AKR1B10: variants seen among roughly 807,000 people sequenced by gnomAD.
AKR1B10 encodes aldo-keto reductase family 1 member B10.
Under a neutral mutation model 38.9 loss-of-function variants are expected in AKR1B10, and 39 were observed. That is an observed-to-expected ratio of 1.00 (90% CI 0.78 to 1.31). The LOEUF is 1.31. Ranked by LOEUF, AKR1B10 falls within the 50% of genes most tolerant of loss-of-function variation. The pLI is 0.00. For synonymous variants in AKR1B10, 148 were observed against 141.2 expected (o/e 1.05, Z -0.34); for missense variants, 361 against 382.6 (o/e 0.94, Z 0.47).
At position 134,538,188 on chromosome 7, in the gene AKR1B10, G is replaced by C. The variant is rs187796884; in HGVS notation, c.742-6G>C. 1 of 1,613,608 alleles carries C rather than the reference G, an allele frequency of 6.2e-7. No individual in the cohort carries two copies. Among genetic ancestry groups the C allele is most frequent in the Non-Finnish European group, 8.5e-7 (1 of 1,179,570 alleles). On this transcript the variant is annotated splice_region_variant and splice_polypyrimidine_tract_variant and intron_variant, in intron 7 of 9. Transcript: ENST00000359579. Reference sequence around the variant, plus strand: ...AGTGGAAGCCTGATGTCCCCTTTCCGCATAGGTTCTGATCCGTTTCCATAT... The same window carrying C: ...AGTGGAAGCCTGATGTCCCCTTTCCCCATAGGTTCTGATCCGTTTCCATAT...
At chr7:134,528,725 G>C (rs997583418) in intron 1 of AKR1B10, among the ~76,000 whole-genome samples, 4 of 145,428 alleles carry the variant, frequency 2.8e-5, no homozygotes, top group Non-Finnish European at 4.4e-5. Flanking sequence ...ATCCAAGAAA[G>C]CAAGAAAGAG....
rs541854624 is a variant in AKR1B10 at position 134,536,855 on chromosome 7, T to C, written c.552+83T>C. 6.5e-5 allele frequency: 103 copies of C among 1,592,070 alleles called. 1 individual carries two copies. The South Asian group carries it at 1.1e-3, about 16-fold the overall frequency. ...GGGAGGAATGTTCAATGCTATGCCC[T>C]GAGTCTCATCTCAGGGGTCAGTGAT... On this transcript the variant is annotated intron_variant, in intron 5 of 9. Transcript: ENST00000359579.
rs936196727 is a variant in AKR1B10, at chr7:134,532,868, A to G, written c.352-136A>G. 1.0e-4 allele frequency: 69 copies of G among 677,802 alleles called. No individual in the cohort carries two copies. The East Asian group carries it at 1.4e-3, about 14-fold the overall frequency. 42.0% of individuals were successfully genotyped at this position (677,802 alleles called of 1,614,324 possible). A position where few individuals can be genotyped will look rare whatever the true frequency, so the allele number is the denominator to read the frequency against. On this transcript the variant is annotated intron_variant, in intron 3 of 9. Transcript: ENST00000359579. The stretch of plus-strand genomic sequence containing the variant: ...AGATTTTAATTAAACTCACATTCCT[A>G]AAGTATGTACTCCAGAACTTGAAAA...
At position 134,537,640 on chromosome 7, in the gene AKR1B10, G is replaced by C. The variant is rs549613668; in HGVS notation, c.720G>C (p.Lys240Asn). The C allele has an allele frequency of 2.0e-5, 32 of 1,614,098 alleles. No individual in the cohort carries two copies. The highest frequency in any genetic ancestry group is 2.6e-5 in the Non-Finnish European group (31 of 1,179,960). Residue 240 changes from lysine (K) to asparagine (N), a missense_variant, in exon 7 of 10, where the codon AAG (lysine) becomes AAC (asparagine). Lys to Asn is a moderately conservative substitution (Grantham distance 94). Coordinates refer to ENST00000359579, the MANE Select transcript of AKR1B10 (RefSeq NM_020299.5). The stretch of plus-strand genomic sequence containing the variant: ...CCAAGATTAAGGAGATTGCTGCAAA[G>C]CACAAAAAAACCGCAGCCCAGGTGC... ...EDPKIKEIAA[K>N]HKKTAAQVLI...
At chr7:134,535,208 C>A (rs1317406062) in intron 4 of AKR1B10, among the ~76,000 whole-genome samples, 1 of 152,090 alleles carries the variant, frequency 6.6e-6, no homozygotes, top group African/African-American at 2.4e-5. Context: ...CAACACCTGG[C>A]CTCAAGCAAT....
intron 2 of AKR1B10, among the ~76,000 whole-genome samples, chr7:134,531,549 A>C (rs373451929): frequency 1.3e-5 from 2 of 152,320 alleles, no homozygotes; most frequent in South Asian, 2.1e-4. Flanking sequence ...CAAAGGCCTA[A>C]GAATGCTTGA....
intron 4 of AKR1B10, 47 bp downstream of exon 4, chr7:134,533,128 T>G (rs754195179): frequency 3.4e-6 from 5 of 1,480,142 alleles, no homozygotes; most frequent in Non-Finnish European, 4.6e-6. Flanking sequence ...AAATCTTCAG[T>G]TATCCATGAG....
chr7:134,527,681 A>G lies in AKR1B10; in HGVS notation c.-231A>G, dbSNP rs370912297. On this transcript the variant is annotated 5_prime_UTR_variant, in exon 1 of 10. Transcript: ENST00000359579. Reference sequence around the variant, plus strand: ...AGGAGTTTGAGACCAGCCTGTCTCTACTAACAATATAAAAATTAGCTGGGA... The same window carrying G: ...AGGAGTTTGAGACCAGCCTGTCTCTGCTAACAATATAAAAATTAGCTGGGA... 1.2e-4 allele frequency: 45 copies of G among 371,966 alleles called. 1 individual carries two copies. Among genetic ancestry groups the G allele is most frequent in the East Asian group, 7.0e-4 (14 of 19,966 alleles). The allele number at this position is 371,966 out of a possible 1,614,324, so 23.0% of individuals were successfully genotyped here. A position where few individuals can be genotyped will look rare whatever the true frequency, so the allele number is the denominator to read the frequency against.
At position 134,530,535 on chromosome 7, in the gene AKR1B10, TG is replaced by T. The variant is rs1807820425; in HGVS notation, c.67-105del. On this transcript the variant is annotated intron_variant, in intron 1 of 9. Coordinates refer to ENST00000359579, the MANE Select transcript of AKR1B10 (RefSeq NM_020299.5). The stretch of plus-strand genomic sequence containing the variant: ...GGTGTAATTCCAGCTACTCGGGAGG[TG>T]GGAGGGTTGCTTGAACCTGGGAGTG... The T allele has an allele frequency of 1.6e-5, 19 of 1,184,104 alleles. No homozygotes were observed. In the South Asian group the frequency reaches 2.5e-4, roughly 16 times the overall value. The allele number at this position is 1,184,104 out of a possible 1,614,324, so 73.3% of individuals were successfully genotyped here.
At chr7:134,529,862 A>G (rs1362122917) in intron 1 of AKR1B10, among the ~76,000 whole-genome samples, 2 of 149,632 alleles carry the variant, frequency 1.3e-5, no homozygotes, top group African/African-American at 4.9e-5. Context: ...TTTTTACAGG[A>G]GTGGAAAACA....
In AKR1B10 at chr7:134,538,415, G is replaced by C. The variant is rs1808070227; in HGVS notation, c.825+138G>C. Reference sequence around the variant, plus strand: ...CACCACCCTATCATTTTCCAGCCCAGGGAGCTAGGGTCAGTAGAGCTGAGA... The same window carrying C: ...CACCACCCTATCATTTTCCAGCCCACGGAGCTAGGGTCAGTAGAGCTGAGA... On this transcript the variant is annotated intron_variant, in intron 8 of 9. Transcript: ENST00000359579. 5.7e-6 allele frequency: 5 copies of C among 870,184 alleles called. No homozygotes were observed. The South Asian group carries it at 8.1e-5, about 14-fold the overall frequency. 53.9% of individuals were successfully genotyped at this position (870,184 alleles called of 1,614,324 possible).
intron 4 of AKR1B10, among the ~76,000 whole-genome samples, 167 bp from the exon 5 acceptor site, chr7:134,536,483 A>T (rs1432312319): frequency 6.6e-6 from 1 of 152,192 alleles, no homozygotes; most frequent in Non-Finnish European, 1.5e-5. Context: ...GGCTGGAACC[A>T]GTCACTGATG....
intron 1 of AKR1B10, among the ~76,000 whole-genome samples, chr7:134,529,981 T>C (rs1807805462): frequency 6.6e-6 from 1 of 152,180 alleles, no homozygotes; most frequent in Admixed American, 6.5e-5. Flanking sequence ...TGCAAAAAGC[T>C]TAATATTCAT....
Position 134,530,741 on chromosome 7 carries a change from G to A in AKR1B10, c.165G>A (p.Val55=), listed in dbSNP as rs1322799245. The change falls in exon 2 of 10, where the codon GTG becomes GTA. Residue 55 remains valine, a synonymous_variant. Transcript: ENST00000359579. The stretch of plus-strand genomic sequence containing the variant: ...ATGTCTATCAGAATGAACATGAAGT[G>A]GGGGAAGCCATCCAAGAGAAGATCC... ...CAYVYQNEHE[V]GEAIQEKIQE... 2 of 1,614,030 alleles carry A rather than the reference G, an allele frequency of 1.2e-6. No homozygotes were observed. The highest frequency in any genetic ancestry group is 1.7e-5 in the Admixed American group (1 of 60,022).
At position 134,533,702 on chromosome 7, in the gene AKR1B10, G is replaced by A. The variant is rs138193495; in HGVS notation, c.429+621G>A. Among the ~76,000 whole-genome samples, 5 of 152,294 alleles carry A rather than the reference G, an allele frequency of 3.3e-5. No individual in the cohort carries two copies. The East Asian group carries it at 9.6e-4, about 29-fold the overall frequency. ...CTGAATCACAAGTCCAACCACCAAA[G>A]CCATCAGCATGGTGCTTGGCAGGCA... On this transcript the variant is annotated intron_variant, in intron 4 of 9. Coordinates refer to ENST00000359579, the MANE Select transcript of AKR1B10 (RefSeq NM_020299.5).
At position 134,537,647 on chromosome 7, in the gene AKR1B10, A is replaced by G; in HGVS notation, c.727A>G (p.Lys243Glu). 6.2e-7 allele frequency: 1 copy of G among 1,614,154 alleles called. No individual in the cohort carries two copies. The highest frequency in any genetic ancestry group is 8.5e-7 in the Non-Finnish European group (1 of 1,180,006). ...KIKEIAAKHK[K>E]TAAQVLIRFH... Reference sequence around the variant, plus strand: ...TAAGGAGATTGCTGCAAAGCACAAAAAAACCGCAGCCCAGGTGCCATATTT... The same window carrying G: ...TAAGGAGATTGCTGCAAAGCACAAAGAAACCGCAGCCCAGGTGCCATATTT... Residue 243 changes from lysine to glutamate, a missense_variant, in exon 7 of 10, where the codon AAA (lysine) becomes GAA (glutamate). Around this residue, in one of 3 missense-constraint regions of AKR1B10, gnomAD observed 132 missense variants for 134.6 expected, o/e 0.98. Coordinates refer to ENST00000359579, the MANE Select transcript of AKR1B10 (RefSeq NM_020299.5).
chr7:134,537,690 C>T (rs1663075405), intron 7 of AKR1B10, 29 bp downstream of exon 7: 7 of 1,609,828 alleles, frequency 4.3e-6, no homozygotes, highest in African/African-American at 2.7e-5. Context: ...TCTTGTTATC[C>T]AACAACTCAT....
chr7:134,537,782 A>C (rs1019902510), intron 7 of AKR1B10, 121 bp downstream of exon 7: 30 of 1,220,400 alleles, frequency 2.5e-5, no homozygotes, highest in Non-Finnish European at 3.1e-5. Context: ...GAAGCCCTCT[A>C]AAGTGTTTCC....
At chr7:134,536,107 T>G (rs1807994463) in intron 4 of AKR1B10, among the ~76,000 whole-genome samples, 1 of 152,204 alleles carries the variant, frequency 6.6e-6, no homozygotes, top group Admixed American at 6.5e-5. Context: ...TGCATGACCT[T>G]CCTGCAAACC....
Sources: allele counts gnomAD v4.1 joint callset (sites outside exome capture counted in the v4.1 genomes callset), GRCh38; gene constraint gnomAD v4.1.1; regional missense constraint gnomAD v4.1.1; transcripts MANE v1.5; gene names NCBI Gene and HGNC (gene_info 2026-07-23, HGNC 2026-07-21).